The following RBFOX1 variants were observed in gnomAD, a reference collection of about 807,000 sequenced individuals.
The protein encoded by RBFOX1 is RNA binding fox-1 homolog 1, also known as RNA binding protein fox-1 homolog 1.
In RBFOX1, 8 loss-of-function variants were observed where a neutral mutation model predicts 57.7. The ratio of observed to expected loss-of-function variants is 0.14; its 90% CI spans 0.08 to 0.25. The LOEUF is 0.25. Among genes scored for constraint, RBFOX1 ranks in the 10% least tolerant of loss-of-function variants. The pLI is 1.00. For synonymous variants in RBFOX1, 326 were observed against 222.4 expected (o/e 1.47, Z -4.15); for missense variants, 611 against 548.5 (o/e 1.11, Z -1.14).
chr16:6,808,472 G>C (rs937144262), intron 3 of RBFOX1, among the ~76,000 whole-genome samples: 35 of 152,018 alleles, frequency 2.3e-4, no homozygotes, highest in African/African-American at 8.5e-4. Context: ...TGCTTCCCCA[G>C]TGAATAGCTC....
intron 15 of RBFOX1, chr16:7,710,257 G>T: frequency 9.2e-7 from 1 of 1,082,176 alleles, no homozygotes. Context: ...TCCACATGAG[G>T]AATGTGTTGG....
chr16:6,154,551 A>T (rs1383462981), intron 1 of RBFOX1, among the ~76,000 whole-genome samples: 2 of 152,224 alleles, frequency 1.3e-5, no homozygotes, highest in African/African-American at 2.4e-5. Flanking sequence ...GCCAGCGGTG[A>T]TGAGGATGAC....
intron 4 of RBFOX1, among the ~76,000 whole-genome samples, chr16:7,143,307 C>A (rs2074239566): frequency 6.6e-6 from 1 of 151,998 alleles, no homozygotes. Context: ...CAGCCCTCCT[C>A]CACCGCATTC....
intron 4 of RBFOX1, among the ~76,000 whole-genome samples, chr16:7,233,464 A>C (rs1404067341): frequency 6.6e-6 from 1 of 152,176 alleles, no homozygotes; most frequent in Non-Finnish European, 1.5e-5. Flanking sequence ...GCTGTTGAAC[A>C]CAATACATGG....
rs28654535 is a variant in RBFOX1 at position 5,919,416 on chromosome 16, C to G, written c.351+52081C>G. On this transcript the variant is annotated intron_variant, in intron 4 of 19. Transcript: ENST00000641259. ...GGAGTGCAATGGTGCAATCTCAGCT[C>G]ACTGCAACTTCCTCCTCCTGGGTTC... Among the ~76,000 whole-genome samples, 378 of 152,206 alleles carry G rather than the reference C, an allele frequency of 2.5e-3. 1 individual carries two copies. The highest frequency in any genetic ancestry group is 8.8e-3 in the African/African-American group (366 of 41,542).
intron 3 of RBFOX1, among the ~76,000 whole-genome samples, chr16:5,821,761 C>G (rs928370124): frequency 1.1e-4 from 16 of 152,194 alleles, no homozygotes; most frequent in African/African-American, 3.6e-4. Context: ...AAGGCACCAG[C>G]AGGTTCAGTG....
At chr16:7,503,710 C>G (rs753161438) in intron 4 of RBFOX1, among the ~76,000 whole-genome samples, 1 of 152,184 alleles carries the variant, frequency 6.6e-6, no homozygotes, top group South Asian at 2.1e-4. Flanking sequence ...GGTGGAGAAT[C>G]CCTATTGAAT....
intron 2 of RBFOX1, among the ~76,000 whole-genome samples, chr16:5,540,866 T>C (rs1225586850): frequency 2.6e-5 from 4 of 152,210 alleles, no homozygotes; most frequent in South Asian, 4.1e-4. Flanking sequence ...ATTTTATGTT[T>C]TTAGACAGAG....
chr16:5,438,819 T>C (rs1281625115), intron 1 of RBFOX1, among the ~76,000 whole-genome samples: 1 of 152,112 alleles, frequency 6.6e-6, no homozygotes, highest in Admixed American at 6.5e-5. Context: ...TCAGCCATCT[T>C]GCACTCTTTA....
chr16:6,721,200 T>C (rs1237654095), intron 3 of RBFOX1, among the ~76,000 whole-genome samples: 1 of 152,196 alleles, frequency 6.6e-6, no homozygotes, highest in African/African-American at 2.4e-5. Flanking sequence ...CCCAGTACTT[T>C]GGAAGGCCAA....
chr16:6,496,844 C>A (rs1016001206), intron 2 of RBFOX1, among the ~76,000 whole-genome samples: 4 of 152,052 alleles, frequency 2.6e-5, no homozygotes, highest in Non-Finnish European at 4.4e-5. Flanking sequence ...CCTGTAATCC[C>A]AGCTACTCGG....
intron 1 of RBFOX1, among the ~76,000 whole-genome samples, chr16:5,454,786 T>TTTCC (rs2068534872): frequency 6.7e-6 from 1 of 150,358 alleles, no homozygotes. Flanking sequence ...TCTTTCTTTC[T>TTTCC]TTCTCTTTCT....
At chr16:5,481,804 G>T (rs2069552846) in intron 2 of RBFOX1, among the ~76,000 whole-genome samples, 1 of 152,132 alleles carries the variant, frequency 6.6e-6, no homozygotes, top group South Asian at 2.1e-4. Flanking sequence ...CTCTCTCTGT[G>T]GCTTGTAGAT....
At chr16:6,646,197 C>T (rs8051849) in intron 2 of RBFOX1, among the ~76,000 whole-genome samples, 1 of 152,066 alleles carries the variant, frequency 6.6e-6, no homozygotes, top group Non-Finnish European at 1.5e-5. Context: ...TCGGAACCCA[C>T]CCAGAGACAC....
At chr16:6,051,350 C>T (rs2095550034) in intron 1 of RBFOX1, among the ~76,000 whole-genome samples, 1 of 151,862 alleles carries the variant, frequency 6.6e-6, no homozygotes, top group African/African-American at 2.4e-5. Context: ...TTTTTTGAGA[C>T]AGAGTCTTGC....
intron 3 of RBFOX1, among the ~76,000 whole-genome samples, chr16:6,997,393 T>C (rs1452660133): frequency 6.6e-6 from 1 of 152,190 alleles, no homozygotes; most frequent in Non-Finnish European, 1.5e-5. Flanking sequence ...TGAAAATATG[T>C]TGAATTTCCA....
chr16:7,215,417 C>T (rs896330352), intron 4 of RBFOX1, among the ~76,000 whole-genome samples: 3 of 152,136 alleles, frequency 2.0e-5, no homozygotes, highest in African/African-American at 7.2e-5. Flanking sequence ...TGGAACCAAC[C>T]CAAATGTCCA....
At chr16:6,285,491 A>C (rs1472445456) in intron 1 of RBFOX1, among the ~76,000 whole-genome samples, 1 of 152,192 alleles carries the variant, frequency 6.6e-6, no homozygotes, top group Non-Finnish European at 1.5e-5. Context: ...AAAGGTTTTC[A>C]TCCCTAAAAC....
chr16:5,814,927 C>G (rs1434063521), intron 3 of RBFOX1, among the ~76,000 whole-genome samples: 1 of 151,454 alleles, frequency 6.6e-6, no homozygotes, highest in African/African-American at 2.4e-5. Flanking sequence ...CAGAGCGAGA[C>G]TCCGTCTCAA....
Sources: allele counts gnomAD v4.1 joint callset (sites outside exome capture counted in the v4.1 genomes callset), GRCh38; gene constraint gnomAD v4.1.1; transcripts MANE v1.5; gene names NCBI Gene and HGNC (gene_info 2026-07-23, HGNC 2026-07-21).